Variants in NEUROG2 observed in about 807,000 individuals in gnomAD.
NEUROG2 encodes neurogenin-2.
In NEUROG2, 1 loss-of-function variant was observed where a neutral mutation model predicts 2.8. The observed-to-expected ratio is 0.36, with a 90% CI of 0.13 to 1.71. The LOEUF is 1.71. Among genes scored for constraint, NEUROG2 ranks in the 40% most tolerant of loss-of-function variants. NEUROG2 has a pLI of 0.34. For synonymous variants in NEUROG2, 211 were observed against 187.7 expected (o/e 1.12, Z -1.01); for missense variants, 397 against 392.7 (o/e 1.01, Z -0.09).
At position 112,514,879 on chromosome 4, in the gene NEUROG2, G is replaced by C; in HGVS notation, c.597C>G (p.Ala199=). 1 of 1,600,716 alleles carries C rather than the reference G, an allele frequency of 6.2e-7. No individual in the cohort carries two copies. Among genetic ancestry groups the C allele is most frequent in the Middle Eastern group, 1.8e-4 (1 of 5,454 alleles). Residue 199 remains alanine, a synonymous_variant, in exon 2 of 2, where the codon GCC becomes GCG. Transcript: ENST00000313341. The part of the protein sequence containing the change: ...AVLLSPGGAS[A]ALSSSGDSPS... ...GGCTGTCTCCGCTGCTGCTCAGGGC[G>C]GCGCTGGCTCCTCCCGGGCTCAGCA...
At position 112,514,540 on chromosome 4, in the gene NEUROG2, T is replaced by C; in HGVS notation, c.*117A>G. ...AATCAGAAAGGCTACACCTGCCCTG[T>C]GAAGTGAGATGGTTTCCAGGGCGTG... On this transcript the variant is annotated 3_prime_UTR_variant, in exon 2 of 2. Coordinates refer to ENST00000313341, the MANE Select transcript of NEUROG2 (RefSeq NM_024019.4). The C allele has an allele frequency of 3.8e-6, 3 of 783,524 alleles. No individual in the cohort carries two copies. Among genetic ancestry groups the C allele is most frequent in the Non-Finnish European group, 5.7e-6 (3 of 529,478 alleles). The allele number at this position is 783,524 out of a possible 1,614,324, so 48.5% of individuals were successfully genotyped here. A position where few individuals can be genotyped will look rare whatever the true frequency, so the allele number is the denominator to read the frequency against.
rs2148785376 is a variant in NEUROG2 at position 112,514,551 on chromosome 4, G to A, written c.*106C>T. 2 of 886,780 alleles carry A rather than the reference G, an allele frequency of 2.3e-6. No individual in the cohort carries two copies. Among genetic ancestry groups the A allele is most frequent in the South Asian group, 4.9e-5 (2 of 40,786 alleles). The allele number at this position is 886,780 out of a possible 1,614,324, so 54.9% of individuals were successfully genotyped here. A position where few individuals can be genotyped will look rare whatever the true frequency, so the allele number is the denominator to read the frequency against. On this transcript the variant is annotated 3_prime_UTR_variant, in exon 2 of 2. Coordinates refer to ENST00000313341, the MANE Select transcript of NEUROG2 (RefSeq NM_024019.4). Reference sequence around the variant, plus strand: ...CTACACCTGCCCTGTGAAGTGAGATGGTTTCCAGGGCGTGGAAAGGAGGGG... The same window carrying A: ...CTACACCTGCCCTGTGAAGTGAGATAGTTTCCAGGGCGTGGAAAGGAGGGG...
chr4:112,515,152 G>A lies in NEUROG2; in HGVS notation c.324C>T (p.Arg108=), dbSNP rs778752167. Residue 108 remains arginine, a synonymous_variant, in exon 2 of 2, where the codon CGC becomes CGT. Transcript: ENST00000313341. ...CCTTCAGTCTACGGGTCTTCTTGATGCGCTGCACCGTCTCGGCCGTCTTGG... is the reference window on the plus strand; with the variant it reads ...CCTTCAGTCTACGGGTCTTCTTGATACGCTGCACCGTCTCGGCCGTCTTGG... ...RGAKTAETVQ[R]IKKTRRLKAN... The A allele has an allele frequency of 6.2e-7, 1 of 1,613,608 alleles. No individual in the cohort carries two copies. Among genetic ancestry groups the A allele is most frequent in the Non-Finnish European group, 8.5e-7 (1 of 1,179,886 alleles).
chr4:112,514,850 G>A lies in NEUROG2; in HGVS notation c.626C>T (p.Ser209Leu), dbSNP rs1736392072. ...GGTGCAACTCCACGTGGAGGCGGGCGAGGGGCTGTCTCCGCTGCTGCTCAG... is the reference window on the plus strand; with the variant it reads ...GGTGCAACTCCACGTGGAGGCGGGCAAGGGGCTGTCTCCGCTGCTGCTCAG... ...AALSSSGDSPSPASTWSCTNS... is the reference protein window; with the variant it reads ...AALSSSGDSPLPASTWSCTNS... Residue 209 changes from serine to leucine, a missense_variant, in exon 2 of 2, where the codon TCG becomes TTG. Physicochemically the swap from Ser to Leu is moderately radical, Grantham distance 145. Coordinates refer to ENST00000313341, the MANE Select transcript of NEUROG2 (RefSeq NM_024019.4). The A allele has an allele frequency of 6.3e-7, 1 of 1,593,622 alleles. No individual in the cohort carries two copies. Among genetic ancestry groups the A allele is most frequent in the Non-Finnish European group, 8.5e-7 (1 of 1,173,496 alleles).
chr4:112,515,312 C>A lies in NEUROG2; in HGVS notation c.164G>T (p.Arg55Leu). Reference sequence around the variant, plus strand: ...CGCCCCCTGCCCGGCCTCAGCCCCGCGCTGCCGACGCGCCCCGCCTGACGC... The same window carrying A: ...CGCCCCCTGCCCGGCCTCAGCCCCGAGCTGCCGACGCGCCCCGCCTGACGC... ...PGASGGARRQ[R>L]GAEAGQGARG... Residue 55 changes from arginine (R) to leucine (L), a missense_variant, in exon 2 of 2, where the codon CGC becomes CTC. Coordinates refer to ENST00000313341, the MANE Select transcript of NEUROG2 (RefSeq NM_024019.4). 1 of 1,408,626 alleles carries A rather than the reference C, an allele frequency of 7.1e-7. No individual in the cohort carries two copies. The allele number at this position is 1,408,626 out of a possible 1,614,324, so 87.3% of individuals were successfully genotyped here.
In NEUROG2 at chr4:112,513,807, C is replaced by G. The variant is rs1395661641; in HGVS notation, c.*850G>C. ...ATAAATAATACATGAGGCAATCCTC[C>G]CTCCTGATTTTTCCCTTTTCCTCCA... On this transcript the variant is annotated 3_prime_UTR_variant, in exon 2 of 2. Coordinates refer to ENST00000313341, the MANE Select transcript of NEUROG2 (RefSeq NM_024019.4). 2.6e-5 allele frequency: 4 copies of G among 152,582 alleles called. No homozygotes were observed. The highest frequency in any genetic ancestry group is 4.4e-5 in the Non-Finnish European group (3 of 68,036). 9.5% of individuals were successfully genotyped at this position (152,582 alleles called of 1,614,324 possible).
intron 1 of NEUROG2, 54 bp from the exon 2 acceptor site, chr4:112,515,530 G>A: frequency 2.1e-6 from 3 of 1,434,244 alleles, no homozygotes; most frequent in Non-Finnish European, 2.8e-6. Context: ...AAGAAACAGA[G>A]GCGCGATCTT....
At chr4:112,515,526 C>A in intron 1 of NEUROG2, 50 bp from the exon 2 acceptor site, 2 of 1,448,094 alleles carry the variant, frequency 1.4e-6, no homozygotes, top group Non-Finnish European at 1.8e-6. Context: ...AGGAAAGAAA[C>A]AGAGGCGCGA....
chr4:112,515,585 T>A, intron 1 of NEUROG2, 109 bp from the exon 2 acceptor site: 1 of 917,144 alleles, frequency 1.1e-6, no homozygotes, highest in Non-Finnish European at 1.5e-6. Flanking sequence ...GAAGACCAGC[T>A]CCGAATGGCG....
Position 112,514,446 on chromosome 4 carries a change from C to T in NEUROG2, c.*211G>A, listed in dbSNP as rs561483811. The stretch of plus-strand genomic sequence containing the variant: ...GGCTTTGACAATAAGCTCCATCACA[C>T]CTTCAGTAAATCAGAGCCCGTCTGA... On this transcript the variant is annotated 3_prime_UTR_variant, in exon 2 of 2. Transcript: ENST00000313341. 2.0e-4 allele frequency: 87 copies of T among 428,626 alleles called. 1 individual carries two copies. Among genetic ancestry groups the T allele is most frequent in the Admixed American group, 6.8e-4 (16 of 23,408 alleles). The allele number at this position is 428,626 out of a possible 1,614,324, so 26.6% of individuals were successfully genotyped here.
chr4:112,515,339 C>CAGAT lies in NEUROG2; in HGVS notation c.136_137insATCT (p.Gly46AspfsTer14). On this transcript the variant is annotated frameshift_variant, in exon 2 of 2. Coordinates refer to ENST00000313341, the MANE Select transcript of NEUROG2 (RefSeq NM_024019.4). LOFTEE classifies it low-confidence loss of function (END_TRUNC). ...CTGCCGACGCGCCCCGCCTGACGCG[C>CAGAT]CCGGCTCCTCCTCCTCTTCTTCGTC... 6.9e-7 allele frequency: 1 copy of CAGAT among 1,453,672 alleles called. No individual in the cohort carries two copies. Among genetic ancestry groups the CAGAT allele is most frequent in the South Asian group, 1.5e-5 (1 of 65,376 alleles). The allele number at this position is 1,453,672 out of a possible 1,614,324, so 90.0% of individuals were successfully genotyped here. A position where few individuals can be genotyped will look rare whatever the true frequency, so the allele number is the denominator to read the frequency against.
intron 1 of NEUROG2, 23 bp from the exon 2 acceptor site, chr4:112,515,499 A>C (rs1179210260): frequency 6.7e-7 from 1 of 1,501,800 alleles, no homozygotes; most frequent in South Asian, 1.3e-5. Context: ...GAAAGGGGAA[A>C]AAGGCAGTGA....
In NEUROG2 at chr4:112,516,032, CG is replaced by C. The variant is rs1736444719; in HGVS notation, c.-188del. On this transcript the variant is annotated 5_prime_UTR_variant, in exon 1 of 2. Transcript: ENST00000313341. ...AGTTTGCCAAGAGCCCCGGCGGCGG[CG>C]GCGGCGGCCCGCCCGGGTCTCGTGT... 3 of 154,224 alleles carry C rather than the reference CG, an allele frequency of 1.9e-5. No individual in the cohort carries two copies. In the South Asian group the frequency reaches 5.6e-4, roughly 29 times the overall value. 9.6% of individuals were successfully genotyped at this position (154,224 alleles called of 1,614,324 possible).
rs1039630325 is a variant in NEUROG2, at chr4:112,514,016, A to T, written c.*641T>A. The T allele has an allele frequency of 6.5e-6, 1 of 152,698 alleles. No homozygotes were observed. Among genetic ancestry groups the T allele is most frequent in the African/African-American group, 2.4e-5 (1 of 41,468 alleles). The allele number at this position is 152,698 out of a possible 1,614,324, so 9.5% of individuals were successfully genotyped here. A position where few individuals can be genotyped will look rare whatever the true frequency, so the allele number is the denominator to read the frequency against. On this transcript the variant is annotated 3_prime_UTR_variant, in exon 2 of 2. Transcript: ENST00000313341. ...GAAAAAGGAAAGAGAAGGACAGGAC[A>T]ATAGGCATTGTGACGAATCTGGGAA...
chr4:112,515,193 C>T lies in NEUROG2; in HGVS notation c.283G>A (p.Ala95Thr). The T allele has an allele frequency of 6.2e-7, 1 of 1,611,272 alleles. No individual in the cohort carries two copies. ...GCCGTCTTGGCGCCTCGGGAGACGGCCCGCGCCCGGGAAGGGCGCCGTTTG... is the reference window on the plus strand; with the variant it reads ...GCCGTCTTGGCGCCTCGGGAGACGGTCCGCGCCCGGGAAGGGCGCCGTTTG... ...DCKRRPSRARAVSRGAKTAET... is the reference protein window; with the variant it reads ...DCKRRPSRARTVSRGAKTAET... Residue 95 changes from alanine (A) to threonine (T), a missense_variant, in exon 2 of 2, where the codon GCC becomes ACC. Ala to Thr is a moderately conservative substitution (Grantham distance 58). Coordinates refer to ENST00000313341, the MANE Select transcript of NEUROG2 (RefSeq NM_024019.4).
In NEUROG2 at chr4:112,515,040, C is replaced by T. The variant is rs746949708; in HGVS notation, c.436G>A (p.Ala146Thr). ...REVLPTFPEDAKLTKIETLRF... is the reference protein window; with the variant it reads ...REVLPTFPEDTKLTKIETLRF... ...AGGGTCTCGATCTTGGTGAGCTTGG[C>T]GTCCTCGGGGAACGTGGGGAGCACC... Residue 146 changes from alanine (A) to threonine (T), a missense_variant, in exon 2 of 2, where the codon GCC becomes ACC. Transcript: ENST00000313341. The T allele has an allele frequency of 6.2e-7, 1 of 1,613,980 alleles. No individual in the cohort carries two copies. Among genetic ancestry groups the T allele is most frequent in the Non-Finnish European group, 8.5e-7 (1 of 1,179,898 alleles).
At position 112,514,950 on chromosome 4, in the gene NEUROG2, C is replaced by T; in HGVS notation, c.526G>A (p.Gly176Ser). The part of the protein sequence containing the change: ...ETLRLADHCG[G>S]GGGGLPGALF... ...GCCCCCGGCAGGCCCCCGCCGCCGC[C>T]CCCGCAGTGATCCGCCAGGCGCAGG... The change falls in exon 2 of 2, where the codon GGC becomes AGC. Residue 176 changes from glycine (G) to serine (S), a missense_variant. By Grantham distance (56) the Gly-to-Ser change is moderately conservative. Transcript: ENST00000313341. 1.9e-6 allele frequency: 3 copies of T among 1,612,438 alleles called. No homozygotes were observed. Among genetic ancestry groups the T allele is most frequent in the Non-Finnish European group, 1.7e-6 (2 of 1,179,554 alleles).
chr4:112,514,895 G>C lies in NEUROG2; in HGVS notation c.581C>G (p.Pro194Arg), dbSNP rs774225742. The change falls in exon 2 of 2, where the codon CCG (proline) becomes CGG (arginine). Residue 194 changes from proline (P) to arginine (R), a missense_variant. Pro to Arg is a moderately radical substitution (Grantham distance 103). Coordinates refer to ENST00000313341, the MANE Select transcript of NEUROG2 (RefSeq NM_024019.4). ...GCTCAGGGCGGCGCTGGCTCCTCCC[G>C]GGCTCAGCAACACTGCCTCGGAGAA... ...ALFSEAVLLS[P>R]GGASAALSSS... 13 of 1,601,766 alleles carry C rather than the reference G, an allele frequency of 8.1e-6. No homozygotes were observed. In the African/African-American group the frequency reaches 1.7e-4, roughly 21 times the overall value.
At position 112,514,546 on chromosome 4, in the gene NEUROG2, G is replaced by A. The variant is rs1736380324; in HGVS notation, c.*111C>T. 3.5e-6 allele frequency: 3 copies of A among 851,578 alleles called. No homozygotes were observed. The highest frequency in any genetic ancestry group is 2.5e-5 in the South Asian group (1 of 39,318). 52.8% of individuals were successfully genotyped at this position (851,578 alleles called of 1,614,324 possible). ...AAAGGCTACACCTGCCCTGTGAAGT[G>A]AGATGGTTTCCAGGGCGTGGAAAGG... On this transcript the variant is annotated 3_prime_UTR_variant, in exon 2 of 2. Coordinates refer to ENST00000313341, the MANE Select transcript of NEUROG2 (RefSeq NM_024019.4).
Sources: allele counts gnomAD v4.1 joint callset, GRCh38; gene constraint gnomAD v4.1.1; transcripts MANE v1.5; gene names NCBI Gene and HGNC (gene_info 2026-07-23, HGNC 2026-07-21).